The following SPINT2 variants were observed in gnomAD, a reference collection of about 807,000 sequenced individuals.
SPINT2 encodes kunitz-type protease inhibitor 2.
A neutral mutation model predicts 30.1 loss-of-function variants in SPINT2; 18 were observed. The observed-to-expected ratio is 0.60, with a 90% confidence interval of 0.41 to 0.89. The LOEUF is 0.89. Among genes scored for constraint, SPINT2 ranks in the 40% least tolerant of loss-of-function variants. The probability of loss-of-function intolerance (pLI) is 0.00; values close to 1 mark genes in which losing one functional copy is unlikely to be tolerated. For missense variants in SPINT2, 276 were observed against 334.3 expected (o/e 0.83, Z 1.36); for synonymous variants, 139 against 137.9 (o/e 1.01, Z -0.05).
intron 1 of SPINT2, among the ~76,000 whole-genome samples, chr19:38,273,968 C>T (rs1272398526): frequency 6.6e-6 from 1 of 152,164 alleles, no homozygotes; most frequent in Non-Finnish European, 1.5e-5. Flanking sequence ...CGGTGGCTCA[C>T]GCCTGTAATC....
chr19:38,281,306 C>G (rs1290795863), intron 1 of SPINT2, among the ~76,000 whole-genome samples: 1 of 151,992 alleles, frequency 6.6e-6, no homozygotes, highest in Admixed American at 6.6e-5. Flanking sequence ...CCCAGCTACT[C>G]AGGAGGCTGA....
chr19:38,264,838 ATC>A lies in SPINT2; in HGVS notation c.-54_-53del. 6.6e-7 allele frequency: 1 copy of A among 1,514,062 alleles called. No homozygotes were observed. The highest frequency in any genetic ancestry group is 8.9e-7 in the Non-Finnish European group (1 of 1,129,928). The allele number at this position is 1,514,062 out of a possible 1,614,324, so 93.8% of individuals were successfully genotyped here. A position where few individuals can be genotyped will look rare whatever the true frequency, so the allele number is the denominator to read the frequency against. On this transcript the variant is annotated 5_prime_UTR_variant, in exon 1 of 7. Transcript: ENST00000301244. ...CGCGTTGAGGGGCTTCCCGCACCTG[ATC>A]GCGAGACCCCAACGGCTGGTGGCGT...
At chr19:38,277,066 T>A (rs1568340342) in intron 1 of SPINT2, among the ~76,000 whole-genome samples, 2 of 152,060 alleles carry the variant, frequency 1.3e-5, no homozygotes, top group Non-Finnish European at 2.9e-5. Context: ...CTACTCTATG[T>A]TTTAGTCCTT....
chr19:38,279,058 G>T (rs992035132), intron 1 of SPINT2, among the ~76,000 whole-genome samples: 1 of 151,966 alleles, frequency 6.6e-6, no homozygotes, highest in Non-Finnish European at 1.5e-5. Flanking sequence ...CTTCAACGAG[G>T]AGCTTCCTTC....
At chr19:38,277,375 G>A (rs557904053) in intron 1 of SPINT2, among the ~76,000 whole-genome samples, 7 of 152,098 alleles carry the variant, frequency 4.6e-5, no homozygotes, top group Admixed American at 1.3e-4. Flanking sequence ...CTCTCAAGTA[G>A]CTGGGACTGC....
chr19:38,284,847 C>A (rs1402236788), intron 2 of SPINT2, among the ~76,000 whole-genome samples: 1 of 152,040 alleles, frequency 6.6e-6, no homozygotes, highest in Non-Finnish European at 1.5e-5. Flanking sequence ...TCCTGAGTAG[C>A]TGGGATTCCA....
At chr19:38,282,999 GT>G (rs1448283164) in intron 1 of SPINT2, among the ~76,000 whole-genome samples, 1 of 130,384 alleles carries the variant, frequency 7.7e-6, no homozygotes, top group Non-Finnish European at 1.7e-5. Context: ...GTCAGGTTTT[GT>G]TTTGTTTTTT....
At chr19:38,271,994 A>ACCC (rs1270321637) in intron 1 of SPINT2, among the ~76,000 whole-genome samples, 18 of 152,210 alleles carry the variant, frequency 1.2e-4, no homozygotes, top group African/African-American at 4.3e-4. Context: ...TAATCCCAGC[A>ACCC]CTTTGGGGGG....
At position 38,264,649 on chromosome 19, in the gene SPINT2, C is replaced by CA. The variant is rs1332767777; in HGVS notation, c.-243dup. ...ACGCGCTGAGGGCCGTTGAGTGTCG[C>CA]AGGCGGCGAGGGCGCGAGTGAGGAG... is the stretch of plus-strand genomic sequence containing the variant. On this transcript the variant is annotated 5_prime_UTR_variant, in exon 1 of 7. Transcript: ENST00000301244. The CA allele has an allele frequency of 1.9e-6, 1 of 528,210 alleles. No homozygotes were observed. Among genetic ancestry groups the CA allele is most frequent in the African/African-American group, 2.0e-5 (1 of 49,064 alleles). 32.7% of individuals were successfully genotyped at this position (528,210 alleles called of 1,614,324 possible).
At chr19:38,289,495 A>AAAC (rs1968686773) in intron 4 of SPINT2, 1 of 233,346 alleles carries the variant, frequency 4.3e-6, no homozygotes, top group East Asian at 1.0e-4. Context: ...AAAAAAAAAA[A>AAAC]AAAAAAAAAA....
rs1378534465 is a variant in SPINT2, at chr19:38,291,821, G to A, written c.593-19G>A. On this transcript the variant is annotated intron_variant, in intron 6 of 6. Transcript: ENST00000301244. ...CTCCCCTTGCCTGGCCCGTCCTGAGGCCCCTCTCTCGTCCTCAGTGGTGGT... is the reference window on the plus strand; with the variant it reads ...CTCCCCTTGCCTGGCCCGTCCTGAGACCCCTCTCTCGTCCTCAGTGGTGGT... 6.2e-7 allele frequency: 1 copy of A among 1,611,474 alleles called. No individual in the cohort carries two copies. Among genetic ancestry groups the A allele is most frequent in the Non-Finnish European group, 8.5e-7 (1 of 1,179,592 alleles).
intron 1 of SPINT2, among the ~76,000 whole-genome samples, chr19:38,268,766 C>CGTGTGTGTGTGTGT (rs10526704): frequency 1.4e-3 from 214 of 149,922 alleles, no homozygotes; most frequent in African/African-American, 5.0e-3. Flanking sequence ...TGCGCGCGCG[C>CGTGTGTGTGTGTGT]GTGTGTGTGT....
intron 2 of SPINT2, among the ~76,000 whole-genome samples, chr19:38,286,824 G>GTGTTT (rs1203769624): frequency 6.6e-6 from 1 of 152,034 alleles, no homozygotes; most frequent in Non-Finnish European, 1.5e-5. Context: ...AAAAAGTGTC[G>GTGTTT]TGTTTTGTTT....
intron 1 of SPINT2, among the ~76,000 whole-genome samples, chr19:38,269,032 G>C (rs1820384311): frequency 6.6e-6 from 1 of 152,100 alleles, no homozygotes; most frequent in Admixed American, 6.6e-5. Flanking sequence ...CTGGCCCTGG[G>C]CATCAGAACT....
chr19:38,278,600 T>G (rs1364295594), intron 1 of SPINT2, among the ~76,000 whole-genome samples: 1 of 152,084 alleles, frequency 6.6e-6, no homozygotes, highest in Non-Finnish European at 1.5e-5. Context: ...CAGGATCACT[T>G]GAGACCAGCC....
chr19:38,276,002 C>G (rs781696927), intron 1 of SPINT2, among the ~76,000 whole-genome samples: 6 of 151,144 alleles, frequency 4.0e-5, no homozygotes, highest in Non-Finnish European at 4.4e-5. Flanking sequence ...GCTGGGATTA[C>G]AGGTGTGAGC....
chr19:38,289,003 G>A (rs568887771), intron 3 of SPINT2, 135 bp from the exon 4 acceptor site: 29 of 792,110 alleles, frequency 3.7e-5, no homozygotes, highest in Middle Eastern at 5.4e-4. Flanking sequence ...TGGCAGAGCC[G>A]GCCATGGAAG....
At chr19:38,271,408 C>G (rs1283837772) in intron 1 of SPINT2, among the ~76,000 whole-genome samples, 2 of 151,722 alleles carry the variant, frequency 1.3e-5, no homozygotes, top group Admixed American at 1.3e-4. Context: ...AGGAGAATGG[C>G]GTGAACCCAG....
At chr19:38,274,487 C>G (rs1386062391) in intron 1 of SPINT2, among the ~76,000 whole-genome samples, 1 of 151,980 alleles carries the variant, frequency 6.6e-6, no homozygotes, top group Non-Finnish European at 1.5e-5. Context: ...AAAGAGGAGA[C>G]TTGTTTTTAG....
Sources: gnomAD v4.1 joint callset for allele counts (sites outside exome capture counted in the v4.1 genomes callset) on GRCh38, gnomAD v4.1.1 for gene constraint, MANE v1.5 for transcripts, NCBI Gene and HGNC (gene_info 2026-07-23, HGNC 2026-07-21) for gene names.